The following SARDH variants were observed in gnomAD, a reference collection of about 807,000 sequenced individuals.
SARDH encodes the protein sarcosine dehydrogenase, mitochondrial.
Under a neutral mutation model 109.1 loss-of-function variants are expected in SARDH, and 95 were observed. The ratio of observed to expected loss-of-function variants is 0.87; its 90% CI spans 0.74 to 1.03. The LOEUF (loss-of-function observed/expected upper bound fraction) is 1.03, where lower values mean the gene tolerates loss of function less well. Among genes scored for constraint, SARDH ranks in the 50% least tolerant of loss-of-function variants. The probability of loss-of-function intolerance (pLI) is 0.00; values close to 1 mark genes in which losing one functional copy is unlikely to be tolerated. For missense variants in SARDH, 1,267 were observed against 1,287.8 expected, an observed-to-expected ratio of 0.98 and a Z score of 0.25; for synonymous variants, 572 against 534.8, an observed-to-expected ratio of 1.07 and a Z score of -0.96.
chr9:133,698,330 A>T (rs1831363123), intron 13 of SARDH, among the ~76,000 whole-genome samples: 1 of 152,212 alleles, frequency 6.6e-6, no homozygotes, highest in South Asian at 2.1e-4. Flanking sequence ...CTATTGTTGA[A>T]ATGACAAGAT....
intron 16 of SARDH, among the ~76,000 whole-genome samples, chr9:133,689,661 G>A (rs1023577603): frequency 2.0e-5 from 3 of 152,166 alleles, no homozygotes; most frequent in African/African-American, 7.2e-5. Context: ...GGGGATGGGA[G>A]ATGTTGGCTC....
intron 17 of SARDH, among the ~76,000 whole-genome samples, chr9:133,682,927 C>T (rs1256454013): frequency 6.6e-6 from 1 of 152,252 alleles, no homozygotes; most frequent in Non-Finnish European, 1.5e-5. Context: ...GGAAACCGAG[C>T]AATGAGCAGT....
Position 133,712,898 on chromosome 9 carries a change from C to A in SARDH, c.1237+140G>T. On this transcript the variant is annotated intron_variant, in intron 9 of 20. Transcript: ENST00000439388. This position sits in a 1 kb window ranked among gnomAD's most constrained non-coding sequence, Gnocchi z 4.1. ...TGGCACAGGTGCACTCTCTGGGAAG[C>A]AGAAGGGGCTGGACTCCCCAGCCTC... 1 of 995,704 alleles carries A rather than the reference C, an allele frequency of 1.0e-6. No homozygotes were observed. The highest frequency in any genetic ancestry group is 1.5e-5 in the South Asian group (1 of 68,942). The allele number at this position is 995,704 out of a possible 1,614,324, so 61.7% of individuals were successfully genotyped here.
intron 20 of SARDH, among the ~76,000 whole-genome samples, chr9:133,665,945 C>A (rs1481376078): frequency 6.6e-6 from 1 of 152,224 alleles, no homozygotes; most frequent in Non-Finnish European, 1.5e-5. Context: ...TGGAGAGACA[C>A]GACCCTCCTC....
At chr9:133,715,940 T>A (rs1226716486) in intron 8 of SARDH, among the ~76,000 whole-genome samples, 1 of 152,238 alleles carries the variant, frequency 6.6e-6, no homozygotes, top group Non-Finnish European at 1.5e-5. Context: ...GGCAACACTG[T>A]GTCTTCCTGA....
At chr9:133,685,123 G>C in intron 17 of SARDH, 70 bp downstream of exon 17, 1 of 1,325,954 alleles carries the variant, frequency 7.5e-7, no homozygotes, top group Non-Finnish European at 1.1e-6. Flanking sequence ...CCAGCCCCCA[G>C]ATCCCCCGGC....
chr9:133,696,322 C>A lies in SARDH; in HGVS notation c.1708G>T (p.Val570Leu). ...TTCCCGAAGTAGGACATGTCAAACA[C>A]AGCGGCGGCCCCTCTGCAGGCCAGG... ...ECLACRGAAAVFDMSYFGKFY... is the reference protein window; with the variant it reads ...ECLACRGAAALFDMSYFGKFY... The change falls in exon 14 of 21, where the codon GTG becomes TTG. Residue 570 changes from valine (V) to leucine (L), a missense_variant. By Grantham distance (32) the Val-to-Leu change is conservative. Coordinates refer to ENST00000439388, the MANE Select transcript of SARDH (RefSeq NM_001134707.2). 1 of 1,614,180 alleles carries A rather than the reference C, an allele frequency of 6.2e-7. No homozygotes were observed. Among genetic ancestry groups the A allele is most frequent in the Non-Finnish European group, 8.5e-7 (1 of 1,180,042 alleles).
At chr9:133,707,693 C>T (rs1831742756) in intron 11 of SARDH, among the ~76,000 whole-genome samples, 1 of 152,156 alleles carries the variant, frequency 6.6e-6, no homozygotes, top group African/African-American at 2.4e-5. Context: ...GCAAAGCGTC[C>T]AGCACGAGAT....
At chr9:133,715,111 C>T (rs1211573866) in intron 8 of SARDH, among the ~76,000 whole-genome samples, 1 of 152,124 alleles carries the variant, frequency 6.6e-6, no homozygotes, top group Non-Finnish European at 1.5e-5. Context: ...GCCTGCCCTC[C>T]CAGGCGCTCC....
At chr9:133,713,266 C>G in intron 8 of SARDH, 142 bp from the exon 9 acceptor site, 2 of 667,756 alleles carry the variant, frequency 3.0e-6, no homozygotes, top group South Asian at 1.9e-5. Context: ...CCCTGCTCAG[C>G]GCCACTTCCT....
In SARDH at chr9:133,692,307, C is replaced by T. The variant is rs1419450540; in HGVS notation, c.1922-1780G>A. On this transcript the variant is annotated intron_variant, in intron 15 of 20. Transcript: ENST00000439388. The surrounding 1 kb of genome is among the most constrained non-coding windows in gnomAD (Gnocchi z 5.0). The stretch of plus-strand genomic sequence containing the variant: ...CCTCATTTTGGCCCCTCTACTGTCT[C>T]CCTAGCTAGACTCACTAAGTCTGCG... Among the ~76,000 whole-genome samples, 6 of 152,258 alleles carry T rather than the reference C, an allele frequency of 3.9e-5. No individual in the cohort carries two copies. In the South Asian group the frequency reaches 8.3e-4, roughly 21 times the overall value.
intron 8 of SARDH, among the ~76,000 whole-genome samples, chr9:133,714,387 G>A (rs561188334): frequency 9.6e-4 from 146 of 152,340 alleles, no homozygotes; most frequent in African/African-American, 3.4e-3. Context: ...AGGGCCCTAC[G>A]TGGAGGGCCT....
At chr9:133,726,696 G>A (rs73548054) in intron 6 of SARDH, among the ~76,000 whole-genome samples, 32,034 of 152,038 alleles carry the variant, frequency 0.21, 3,556 homozygotes, top group Middle Eastern at 0.27. Context: ...TGGTGCCACT[G>A]ACTCCCTGCC....
chr9:133,672,918 A>G (rs1175401404), intron 17 of SARDH, among the ~76,000 whole-genome samples: 2 of 152,242 alleles, frequency 1.3e-5, no homozygotes, highest in African/African-American at 2.4e-5. Context: ...TGACTGTGAA[A>G]GACACGATGG....
intron 16 of SARDH, among the ~76,000 whole-genome samples, chr9:133,689,395 C>G (rs1215024626): frequency 6.6e-6 from 1 of 152,110 alleles, no homozygotes; most frequent in Admixed American, 6.5e-5. Context: ...GATGAGTGTC[C>G]TGGCCCCTTA....
intron 11 of SARDH, among the ~76,000 whole-genome samples, chr9:133,705,610 C>T (rs1241267319): frequency 1.3e-5 from 2 of 151,720 alleles, no homozygotes; most frequent in South Asian, 4.2e-4. Flanking sequence ...CCTGAGAACC[C>T]CCAGCTACAG....
In SARDH at chr9:133,704,168, G is replaced by A. The variant is rs764026482; in HGVS notation, c.1554+780C>T. On this transcript the variant is annotated intron_variant, in intron 12 of 20. Transcript: ENST00000439388. This position sits in a 1 kb window ranked among gnomAD's most constrained non-coding sequence, Gnocchi z 4.5. ...GCTCTGACCCCAGAGCCGTGGCCCC[G>A]TTAGCCAGCTCTGGCTCTCATCTCC... Among the ~76,000 whole-genome samples the A allele has an allele frequency of 1.3e-5, 2 of 152,074 alleles. No homozygotes were observed. Among genetic ancestry groups the A allele is most frequent in the African/African-American group, 2.4e-5 (1 of 41,398 alleles).
chr9:133,699,897 G>A (rs983511615), intron 13 of SARDH, among the ~76,000 whole-genome samples: 21 of 152,294 alleles, frequency 1.4e-4, no homozygotes, highest in African/African-American at 4.1e-4. Flanking sequence ...ACATGCATAC[G>A]ACACCTGGTA....
chr9:133,663,002 G>A (rs370672110), downstream of SARDH, among the ~76,000 whole-genome samples: 71 of 152,324 alleles, frequency 4.7e-4, no homozygotes, highest in Non-Finnish European at 9.3e-4. Context: ...TCAAGGCAGC[G>A]TGCAGGGCAG....
Sources: allele counts gnomAD v4.1 joint callset (sites outside exome capture counted in the v4.1 genomes callset), GRCh38; gene constraint gnomAD v4.1.1; non-coding constraint Gnocchi (gnomAD v3.1); transcripts MANE v1.5; gene names NCBI Gene and HGNC (gene_info 2026-07-23, HGNC 2026-07-21).